The following JARID2 variants were observed in gnomAD, a reference collection of about 807,000 sequenced individuals.
JARID2 encodes the protein jumonji and AT-rich interaction domain containing 2, also known as protein Jumonji.
A neutral mutation model predicts 125.6 loss-of-function variants in JARID2; 21 were observed. That is an observed-to-expected ratio of 0.17 (90% CI 0.12 to 0.24). The LOEUF (loss-of-function observed/expected upper bound fraction) is 0.24. Ranked by LOEUF, JARID2 falls within the 10% of genes least tolerant of loss-of-function variation. JARID2 has a pLI of 1.00. For missense variants in JARID2, 1,303 were observed against 1,639.6 expected (o/e 0.79, Z 3.55); for synonymous variants, 736 against 661.6 (o/e 1.11, Z -1.73).
intron 8 of JARID2, among the ~76,000 whole-genome samples, chr6:15,503,832 A>C (rs943948267): frequency 2.0e-5 from 3 of 152,246 alleles, no homozygotes; most frequent in African/African-American, 7.2e-5. Flanking sequence ...CTGACTCCGG[A>C]TTCCCAAACT....
chr6:15,311,747 T>C (rs370318452), intron 1 of JARID2, among the ~76,000 whole-genome samples: 2 of 150,412 alleles, frequency 1.3e-5, no homozygotes, highest in African/African-American at 4.9e-5. Flanking sequence ...TTTTTTTTTT[T>C]CTTTTTTCTT....
chr6:15,419,341 A>G (rs1177733693), intron 3 of JARID2, among the ~76,000 whole-genome samples: 1 of 152,244 alleles, frequency 6.6e-6, no homozygotes, highest in Non-Finnish European at 1.5e-5. Context: ...AAATTGAGTA[A>G]TAGATTATGA....
At chr6:15,434,449 G>A (rs1767117116) in intron 3 of JARID2, among the ~76,000 whole-genome samples, 2 of 152,162 alleles carry the variant, frequency 1.3e-5, no homozygotes, top group South Asian at 4.1e-4. Context: ...AGGGCAAATA[G>A]GGTCAGCTGT....
intron 1 of JARID2, among the ~76,000 whole-genome samples, chr6:15,346,093 C>T (rs996622508): frequency 2.0e-5 from 3 of 152,120 alleles, no homozygotes; most frequent in Non-Finnish European, 4.4e-5. Context: ...GTAGATTGGA[C>T]GCTTAGAGGT....
chr6:15,307,069 T>A (rs2127420855), intron 1 of JARID2, among the ~76,000 whole-genome samples: 1 of 151,392 alleles, frequency 6.6e-6, no homozygotes, highest in South Asian at 2.1e-4. Context: ...GTGAAACCTG[T>A]CTCTACTAAA....
chr6:15,395,125 A>G (rs1347091376), intron 2 of JARID2, among the ~76,000 whole-genome samples: 3 of 152,218 alleles, frequency 2.0e-5, no homozygotes, highest in African/African-American at 7.2e-5. Context: ...TCTAGAAATT[A>G]CTGGATTACA....
At position 15,513,574 on chromosome 6, in the gene JARID2, T is replaced by C. The variant is rs1485736723; in HGVS notation, c.3450+152T>C. The C allele has an allele frequency of 4.6e-5, 35 of 755,306 alleles. No individual in the cohort carries two copies. In the East Asian group the frequency reaches 7.4e-4, roughly 16 times the overall value. 46.8% of individuals were successfully genotyped at this position (755,306 alleles called of 1,614,324 possible). ...GGCTGTGGGACCTCGGCGGAGCTTC[T>C]GGCCGCCGGAGGTGGCTGCCTCACC... On this transcript the variant is annotated intron_variant, in intron 16 of 17. Coordinates refer to ENST00000341776, the MANE Select transcript of JARID2 (RefSeq NM_004973.4).
chr6:15,484,808 T>G (rs926699624), intron 5 of JARID2, among the ~76,000 whole-genome samples: 2 of 152,178 alleles, frequency 1.3e-5, no homozygotes, highest in African/African-American at 4.8e-5. Flanking sequence ...GAGACATGTC[T>G]TAATGGCAGG....
intron 2 of JARID2, among the ~76,000 whole-genome samples, chr6:15,393,337 A>G (rs908091483): frequency 9.2e-5 from 14 of 152,220 alleles, no homozygotes; most frequent in Non-Finnish European, 1.5e-4. Flanking sequence ...CTGAGTTCAA[A>G]ATTATCTTTG....
At chr6:15,317,006 G>T (rs1055557021) in intron 1 of JARID2, among the ~76,000 whole-genome samples, 3 of 152,184 alleles carry the variant, frequency 2.0e-5, no homozygotes, top group Non-Finnish European at 4.4e-5. Flanking sequence ...TTCAATGAGT[G>T]TACTTTTGGT....
chr6:15,303,952 A>T (rs1262717261), intron 1 of JARID2, among the ~76,000 whole-genome samples: 1 of 152,168 alleles, frequency 6.6e-6, no homozygotes, highest in African/African-American at 2.4e-5. Flanking sequence ...TTGAGACCTC[A>T]ACAACAGTGA....
chr6:15,513,534 C>A, intron 16 of JARID2, 112 bp downstream of exon 16: 1 of 1,071,306 alleles, frequency 9.3e-7, no homozygotes, highest in East Asian at 2.6e-5. Flanking sequence ...CTGCTGTGCT[C>A]CCATCTCTGG....
At chr6:15,262,214 G>A (rs1404704319) in intron 1 of JARID2, among the ~76,000 whole-genome samples, 1 of 148,910 alleles carries the variant, frequency 6.7e-6, no homozygotes, top group Admixed American at 6.8e-5. Context: ...GTGGGGTTTC[G>A]CTGTGTTTCC....
chr6:15,460,828 C>T (rs1768411476), intron 4 of JARID2, among the ~76,000 whole-genome samples: 1 of 152,214 alleles, frequency 6.6e-6, no homozygotes, highest in Non-Finnish European at 1.5e-5. Flanking sequence ...TCTCAGCATC[C>T]TGAGTAGTTG....
At chr6:15,333,222 G>A (rs1762776367) in intron 1 of JARID2, among the ~76,000 whole-genome samples, 2 of 152,034 alleles carry the variant, frequency 1.3e-5, no homozygotes, top group Admixed American at 1.3e-4. Context: ...ATGAGCCACC[G>A]TGCCCGGCAC....
intron 1 of JARID2, among the ~76,000 whole-genome samples, chr6:15,344,771 A>T (rs1344073199): frequency 6.6e-6 from 1 of 152,076 alleles, no homozygotes; most frequent in African/African-American, 2.4e-5. Flanking sequence ...ATAATTTCTT[A>T]ATTATTGTAA....
chr6:15,469,408 CT>C (rs1768955568), intron 5 of JARID2, among the ~76,000 whole-genome samples: 1 of 107,122 alleles, frequency 9.3e-6, no homozygotes, highest in African/African-American at 3.7e-5. Context: ...CCCTCTCCCC[CT>C]CTCCGCTTCT....
intron 7 of JARID2, among the ~76,000 whole-genome samples, chr6:15,498,312 G>T (rs957540080): frequency 6.6e-6 from 1 of 152,168 alleles, no homozygotes; most frequent in African/African-American, 2.4e-5. Flanking sequence ...ACTTGTCACA[G>T]TGGATCCTTA....
intron 1 of JARID2, among the ~76,000 whole-genome samples, chr6:15,363,643 T>A (rs57455698): frequency 1.1e-3 from 166 of 152,306 alleles, no homozygotes; most frequent in African/African-American, 3.8e-3. Flanking sequence ...ACTTCACACC[T>A]CTGAACCTCA....
Sources: gnomAD v4.1 joint callset for allele counts (sites outside exome capture counted in the v4.1 genomes callset) on GRCh38, gnomAD v4.1.1 for gene constraint, MANE v1.5 for transcripts, NCBI Gene and HGNC (gene_info 2026-07-23, HGNC 2026-07-21) for gene names.